The following DHRS11 variants were observed in gnomAD, a reference collection of about 807,000 sequenced individuals.
DHRS11 encodes the protein dehydrogenase/reductase 11, also known as dehydrogenase/reductase SDR family member 11.
Under a neutral mutation model 30.7 loss-of-function variants are expected in DHRS11, and 18 were observed. That is an observed-to-expected ratio of 0.59 (90% CI 0.41 to 0.87). The LOEUF is 0.87. Ranked by LOEUF, DHRS11 falls within the 40% of genes least tolerant of loss-of-function variation. DHRS11 has a pLI of 0.00. For missense variants in DHRS11, 300 were observed against 349.0 expected (o/e 0.86, Z 1.12); for synonymous variants, 123 against 139.6 (o/e 0.88, Z 0.84).
intron 2 of DHRS11, among the ~76,000 whole-genome samples, chr17:36,595,805 G>A (rs997979154): frequency 6.6e-6 from 1 of 152,152 alleles, no homozygotes; most frequent in Non-Finnish European, 1.5e-5. Context: ...CCTGTTGAAT[G>A]TTTCCCACTT....
At chr17:36,599,557 T>TAA (rs2074838935) in intron 4 of DHRS11, 114 bp from the exon 5 acceptor site, 2 of 1,061,306 alleles carry the variant, frequency 1.9e-6, no homozygotes, top group Non-Finnish European at 1.4e-6. Flanking sequence ...CGCTGCCGGA[T>TAA]ATCAGGCAGC....
chr17:36,595,769 A>G (rs1213205297), intron 2 of DHRS11, among the ~76,000 whole-genome samples: 1 of 152,116 alleles, frequency 6.6e-6, no homozygotes, highest in Non-Finnish European at 1.5e-5. Context: ...TGTTAGAAGA[A>G]AGATTGTTAG....
chr17:36,594,788 T>A, intron 1 of DHRS11, 183 bp from the exon 2 acceptor site: 7 of 623,838 alleles, frequency 1.1e-5, no homozygotes, highest in Non-Finnish European at 2.0e-5. Context: ...AGCACTGTCA[T>A]CCCTTAGACT....
rs2074778728 is a variant in DHRS11, at chr17:36,592,765, G to C, written c.147+609G>C. Among the ~76,000 whole-genome samples, 2 of 152,164 alleles carry C rather than the reference G, an allele frequency of 1.3e-5. No individual in the cohort carries two copies. Among genetic ancestry groups the C allele is most frequent in the South Asian group, 4.1e-4 (2 of 4,830 alleles). On this transcript the variant is annotated intron_variant, in intron 1 of 6. Transcript: ENST00000618403. The surrounding 1 kb of genome is among the most constrained non-coding windows in gnomAD (Gnocchi z 4.4). ...AACTCCTTACTCTGCTCTTGACGTGGGGTTGGGAGCCCTCAGAGCTCAGAG... is the reference window on the plus strand; with the variant it reads ...AACTCCTTACTCTGCTCTTGACGTGCGGTTGGGAGCCCTCAGAGCTCAGAG...
intron 2 of DHRS11, 121 bp downstream of exon 2, chr17:36,595,301 C>T: frequency 2.0e-6 from 2 of 1,019,150 alleles, no homozygotes; most frequent in South Asian, 1.5e-5. Flanking sequence ...CTTCGGGTTC[C>T]CACCTGGGGC....
Position 36,591,938 on chromosome 17 carries a change from G to A in DHRS11, c.-72G>A. The A allele has an allele frequency of 8.2e-7, 1 of 1,216,564 alleles. No homozygotes were observed. Among genetic ancestry groups the A allele is most frequent in the Non-Finnish European group, 1.0e-6 (1 of 977,658 alleles). The allele number at this position is 1,216,564 out of a possible 1,614,324, so 75.4% of individuals were successfully genotyped here. ...AAGCAGGTCGGCGGCGGCGGCAGGA[G>A]AGCGGCCGGGCGTCAGCTCCTCGAC... On this transcript the variant is annotated 5_prime_UTR_variant, in exon 1 of 7. Transcript: ENST00000618403.
At position 36,600,349 on chromosome 17, in the gene DHRS11, A is replaced by C; in HGVS notation, c.*146A>C. ...TAGAAAATTTGTTTGAGATTTTTAT[A>C]TCATCTTGTCAAATTGCTTCAGTTG... On this transcript the variant is annotated 3_prime_UTR_variant, in exon 7 of 7. Transcript: ENST00000618403. 1 of 890,926 alleles carries C rather than the reference A, an allele frequency of 1.1e-6. No individual in the cohort carries two copies. Among genetic ancestry groups the C allele is most frequent in the Non-Finnish European group, 1.7e-6 (1 of 579,312 alleles). The allele number at this position is 890,926 out of a possible 1,614,324, so 55.2% of individuals were successfully genotyped here.
At chr17:36,598,593 G>A (rs1004427525) in intron 3 of DHRS11, 3 of 501,838 alleles carry the variant, frequency 6.0e-6, no homozygotes, top group East Asian at 7.1e-5. Context: ...TCTGAGGGGG[G>A]ACATGGCCTC....
At chr17:36,597,850 A>T (rs2142819779) in intron 2 of DHRS11, 1 of 499,008 alleles carries the variant, frequency 2.0e-6, no homozygotes, top group African/African-American at 1.9e-5. Context: ...GCTACTGTTC[A>T]TAGAGGAGAT....
Position 36,592,160 on chromosome 17 carries a change from A to C in DHRS11, c.147+4A>C, listed in dbSNP as rs986159887. 44 of 1,280,076 alleles carry C rather than the reference A, an allele frequency of 3.4e-5. No homozygotes were observed. The highest frequency in any genetic ancestry group is 4.3e-5 in the Non-Finnish European group (44 of 1,013,590). The allele number at this position is 1,280,076 out of a possible 1,614,324, so 79.3% of individuals were successfully genotyped here. ...CCGCACTGTGGGCAACATCGAGGTG[A>C]GGCCGGGCCGAGGGCGGGGACGTCG... On this transcript the variant is annotated splice_donor_region_variant and intron_variant, in intron 1 of 6. Coordinates refer to ENST00000618403, the MANE Select transcript of DHRS11 (RefSeq NM_024308.4). The surrounding 1 kb of genome is among the most constrained non-coding windows in gnomAD (Gnocchi z 4.4).
chr17:36,600,217 T>C lies in DHRS11; in HGVS notation c.*14T>C. ...CAGGTGACCTAGTGACTGTGGGAGC[T>C]CCTCCTTCCCTCCCCACCCTTCATG... On this transcript the variant is annotated 3_prime_UTR_variant, in exon 7 of 7. Coordinates refer to ENST00000618403, the MANE Select transcript of DHRS11 (RefSeq NM_024308.4). The C allele has an allele frequency of 6.2e-7, 1 of 1,614,100 alleles. No individual in the cohort carries two copies. Among genetic ancestry groups the C allele is most frequent in the Non-Finnish European group, 8.5e-7 (1 of 1,180,010 alleles).
rs1172999110 is a variant in DHRS11 at position 36,600,326 on chromosome 17, GA to G, written c.*127del. On this transcript the variant is annotated 3_prime_UTR_variant, in exon 7 of 7. Coordinates refer to ENST00000618403, the MANE Select transcript of DHRS11 (RefSeq NM_024308.4). The stretch of plus-strand genomic sequence containing the variant: ...CTGTCCACACCCCGACCAGGGGCTA[GA>G]AAATTTGTTTGAGATTTTTATATCA... 5.9e-6 allele frequency: 7 copies of G among 1,180,360 alleles called. No homozygotes were observed. In the East Asian group the frequency reaches 1.8e-4, roughly 30 times the overall value. The allele number at this position is 1,180,360 out of a possible 1,614,324, so 73.1% of individuals were successfully genotyped here.
rs144559068 is a variant in DHRS11 at position 36,595,076 on chromosome 17, C to T, written c.253C>T (p.Arg85Cys). ...EDILSMFSAI[R>C]SQHSGVDICI... ...CATCCTCTCCATGTTCTCAGCTATC[C>T]GTTCTCAGCACAGCGGTGTAGACAT... Residue 85 changes from arginine (R) to cysteine (C), a missense_variant, in exon 2 of 7, where the codon CGT becomes TGT. Arg to Cys is a radical substitution (Grantham distance 180). Transcript: ENST00000618403. The T allele has an allele frequency of 1.8e-5, 29 of 1,614,162 alleles. No homozygotes were observed. Among genetic ancestry groups the T allele is most frequent in the East Asian group, 1.3e-4 (6 of 44,882 alleles).
chr17:36,596,796 T>C (rs758849515), intron 2 of DHRS11: 15 of 470,708 alleles, frequency 3.2e-5, no homozygotes, highest in Non-Finnish European at 6.6e-5. Flanking sequence ...GGTGTTCTTT[T>C]CTCCCCACAA....
At position 36,599,654 on chromosome 17, in the gene DHRS11, C is replaced by G; in HGVS notation, c.583-17C>G. On this transcript the variant is annotated splice_polypyrimidine_tract_variant and intron_variant, in intron 4 of 6. Coordinates refer to ENST00000618403, the MANE Select transcript of DHRS11 (RefSeq NM_024308.4). ...GGCAAAGCTCAGCCCCTGAGAAGGC[C>G]CTCTCTGTTGGCCCAGTGCATCTCT... The G allele has an allele frequency of 6.2e-7, 1 of 1,614,038 alleles. No homozygotes were observed. Among genetic ancestry groups the G allele is most frequent in the Non-Finnish European group, 8.5e-7 (1 of 1,179,904 alleles).
chr17:36,597,543 G>A (rs954622849), intron 2 of DHRS11: 9 of 158,112 alleles, frequency 5.7e-5, no homozygotes, highest in Non-Finnish European at 1.2e-4. Flanking sequence ...ACCCTCTAGA[G>A]TCTCCGTGCC....
chr17:36,597,921 G>A (rs1271201211), intron 2 of DHRS11: 2 of 583,524 alleles, frequency 3.4e-6, no homozygotes, highest in Non-Finnish European at 6.1e-6. Flanking sequence ...CTTGTTTGCA[G>A]GAACTTGGGG....
At chr17:36,594,642 T>C (rs903637546) in intron 1 of DHRS11, 5 of 415,034 alleles carry the variant, frequency 1.2e-5, no homozygotes, top group Middle Eastern at 6.5e-4. Flanking sequence ...CTCAAACTCC[T>C]GACCTCAACT....
At chr17:36,595,498 C>T (rs2142815640) in intron 2 of DHRS11, among the ~76,000 whole-genome samples, 1 of 135,576 alleles carries the variant, frequency 7.4e-6, no homozygotes, top group East Asian at 2.3e-4. Flanking sequence ...CTGCTCACTG[C>T]AACTTCCGCT....
Sources: allele counts gnomAD v4.1 joint callset (sites outside exome capture counted in the v4.1 genomes callset), GRCh38; gene constraint gnomAD v4.1.1; non-coding constraint Gnocchi (gnomAD v3.1); transcripts MANE v1.5; gene names NCBI Gene and HGNC (gene_info 2026-07-23, HGNC 2026-07-21).